TICAM1: variants seen among roughly 807,000 people sequenced by gnomAD.
TICAM1 encodes the protein TIR domain-containing adapter molecule 1.
For missense variants in TICAM1, 895 were observed against 938.2 expected (o/e 0.95, Z 0.60); for synonymous variants, 439 against 415.4 (o/e 1.06, Z -0.69).
chr19:4,823,492 A>G (rs936918313), intron 1 of TICAM1, among the ~76,000 whole-genome samples: 2 of 146,708 alleles, frequency 1.4e-5, no homozygotes, highest in African/African-American at 5.1e-5. Flanking sequence ...AAAATTAGCC[A>G]GGCATGGTGG....
At chr19:4,821,935 C>T (rs1337383735) in intron 1 of TICAM1, among the ~76,000 whole-genome samples, 1 of 141,438 alleles carries the variant, frequency 7.1e-6, no homozygotes, top group African/African-American at 2.7e-5. Context: ...TGAGCCACCC[C>T]GTCCAGCCTT....
intron 1 of TICAM1, among the ~76,000 whole-genome samples, chr19:4,824,299 A>C (rs956661274): frequency 7.0e-6 from 1 of 143,098 alleles, no homozygotes; most frequent in South Asian, 2.3e-4. Flanking sequence ...ATGAGCCACC[A>C]TGCCTGGCTT....
Position 4,817,298 on chromosome 19 carries a change from A to C in TICAM1, c.1080T>G (p.Pro360=), listed in dbSNP as rs754441119. The C allele has an allele frequency of 5.2e-5, 83 of 1,592,038 alleles. No individual in the cohort carries two copies. Among genetic ancestry groups the C allele is most frequent in the Non-Finnish European group, 6.9e-5 (81 of 1,170,582 alleles). The change falls in exon 2 of 2, where the codon CCT becomes CCG. Residue 360 remains proline, a synonymous_variant. Coordinates refer to ENST00000248244, the MANE Select transcript of TICAM1 (RefSeq NM_182919.4). This position sits in a 1 kb window ranked among gnomAD's most constrained non-coding sequence, Gnocchi z 4.7. ...PPTPTTPETS[P]PPPPPPPSST... ...ATGAAGGAGGAGGAGGAGGAGGAGG[A>C]GGGGATGTTTCTGGGGTGGTGGGAG...
At chr19:4,822,819 C>T (rs2093599841) in intron 1 of TICAM1, among the ~76,000 whole-genome samples, 1 of 152,116 alleles carries the variant, frequency 6.6e-6, no homozygotes, top group Admixed American at 6.6e-5. Context: ...CCATTTGATG[C>T]CAATGTTTGT....
Position 4,815,971 on chromosome 19 carries a change from C to T in TICAM1, c.*268G>A. On this transcript the variant is annotated 3_prime_UTR_variant, in exon 2 of 2. Transcript: ENST00000248244. ...ATTTATTATAATTAAAAGACCGTAG[C>T]AATACCCCCACCACCAAGACCCTTC... is the stretch of plus-strand genomic sequence containing the variant. The T allele has an allele frequency of 2.7e-6, 1 of 366,976 alleles. No homozygotes were observed. Among genetic ancestry groups the T allele is most frequent in the Non-Finnish European group, 4.8e-6 (1 of 208,760 alleles). The allele number at this position is 366,976 out of a possible 1,614,324, so 22.7% of individuals were successfully genotyped here.
chr19:4,818,384 A>G lies in TICAM1; in HGVS notation c.-7T>C. 1 of 1,573,188 alleles carries G rather than the reference A, an allele frequency of 6.4e-7. No individual in the cohort carries two copies. The highest frequency in any genetic ancestry group is 1.2e-5 in the South Asian group (1 of 85,532). On this transcript the variant is annotated 5_prime_UTR_variant, in exon 2 of 2. Transcript: ENST00000248244. This position sits in a 1 kb window ranked among gnomAD's most constrained non-coding sequence, Gnocchi z 4.0. ...ATGGGCCTGTGCAGGCCATGGGCAC[A>G]GGTGGGTGCAGCCTCCGGCAGCAGA...
chr19:4,821,644 A>ATT (rs67187848), intron 1 of TICAM1, among the ~76,000 whole-genome samples: 26,492 of 136,510 alleles, frequency 0.19, 2,887 homozygotes, highest in African/African-American at 0.29. Flanking sequence ...ATGGCCCACG[A>ATT]TTTTTTTTTT....
rs2093586481 is a variant in TICAM1, at chr19:4,816,831, T to C, written c.1547A>G (p.His516Arg). 1 of 1,612,144 alleles carries C rather than the reference T, an allele frequency of 6.2e-7. No homozygotes were observed. Among genetic ancestry groups the C allele is most frequent in the Non-Finnish European group, 8.5e-7 (1 of 1,179,936 alleles). ...LLSGLVRLDE[H>R]SQIFARKVAN... The stretch of plus-strand genomic sequence containing the variant: ...CACCTTCCTGGCGAAGATCTGGGAG[T>C]GTTCGTCCAGCCGCACCAGCCCGGA... The change falls in exon 2 of 2, where the codon CAC becomes CGC. Residue 516 changes from histidine (H) to arginine (R), a missense_variant. Physicochemically the swap from His to Arg is conservative, Grantham distance 29. Coordinates refer to ENST00000248244, the MANE Select transcript of TICAM1 (RefSeq NM_182919.4). This position sits in a 1 kb window ranked among gnomAD's most constrained non-coding sequence, Gnocchi z 4.3.
intron 1 of TICAM1, among the ~76,000 whole-genome samples, chr19:4,828,792 T>C (rs2146182495): frequency 6.7e-6 from 1 of 149,190 alleles, no homozygotes; most frequent in East Asian, 2.0e-4. Flanking sequence ...AACCTCCACC[T>C]CCTGGGTTCA....
In TICAM1 at chr19:4,825,475, C is replaced by T. The variant is rs2093604131; in HGVS notation, c.-140+6139G>A. On this transcript the variant is annotated intron_variant, in intron 1 of 1. Transcript: ENST00000248244. ...GGCTCAAGTGATCCTCCCACCTTGG[C>T]CTCCCAAAGTGTTGGGATTACAGGC... 2.0e-5 allele frequency among the ~76,000 whole-genome samples: 3 copies of T among 151,970 alleles called. No individual in the cohort carries two copies. The South Asian group carries it at 6.2e-4, about 32-fold the overall frequency.
intron 1 of TICAM1, among the ~76,000 whole-genome samples, chr19:4,821,702 T>C (rs1205739232): frequency 1.3e-5 from 2 of 150,198 alleles, no homozygotes; most frequent in Non-Finnish European, 2.9e-5. Context: ...TGGAGTGCAA[T>C]GGCACGATCT....
Position 4,816,304 on chromosome 19 carries a change from T to G in TICAM1, c.2074A>C (p.Asn692His), listed in dbSNP as rs775729703. Residue 692 changes from asparagine (N) to histidine (H), a missense_variant, in exon 2 of 2, where the codon AAC becomes CAC. Asn to His is a moderately conservative substitution (Grantham distance 68). Transcript: ENST00000248244. This position sits in a 1 kb window ranked among gnomAD's most constrained non-coding sequence, Gnocchi z 4.3. ...CCTCTCTGGTTCCACATGTGGTTGT[T>G]CAGCCCCAGCTGTACCATCTGTGCG... ...HHAQMVQLGL[N>H]NHMWNQRGSQ... is the part of the protein sequence containing the mutation. The G allele has an allele frequency of 1.3e-6, 2 of 1,527,262 alleles. No homozygotes were observed. The highest frequency in any genetic ancestry group is 1.8e-6 in the Non-Finnish European group (2 of 1,138,376). The allele number at this position is 1,527,262 out of a possible 1,614,324, so 94.6% of individuals were successfully genotyped here.
At chr19:4,823,131 C>T (rs2093600365) in intron 1 of TICAM1, among the ~76,000 whole-genome samples, 1 of 152,020 alleles carries the variant, frequency 6.6e-6, no homozygotes, top group African/African-American at 2.4e-5. Context: ...ACCAGCCTGG[C>T]CAACATGGTG....
Position 4,816,520 on chromosome 19 carries a change from G to A in TICAM1, c.1858C>T (p.Pro620Ser), listed in dbSNP as rs765749722. ...GGQVPLGAPP[P>S]FPTWPGCPQP... The stretch of plus-strand genomic sequence containing the variant: ...GGGCACCCCGGCCAAGTGGGAAAGG[G>A]TGGCGGGGCTCCCAGGGGCACCTGG... The change falls in exon 2 of 2, where the codon CCC (proline) becomes TCC (serine). Residue 620 changes from proline (P) to serine (S), a missense_variant. Coordinates refer to ENST00000248244, the MANE Select transcript of TICAM1 (RefSeq NM_182919.4). The surrounding 1 kb of genome is among the most constrained non-coding windows in gnomAD (Gnocchi z 4.3). 1.2e-5 allele frequency: 19 copies of A among 1,595,654 alleles called. No individual in the cohort carries two copies. Among genetic ancestry groups the A allele is most frequent in the Non-Finnish European group, 1.5e-5 (18 of 1,172,060 alleles).
At position 4,816,932 on chromosome 19, in the gene TICAM1, C is replaced by G; in HGVS notation, c.1446G>C (p.Ser482=). The G allele has an allele frequency of 1.9e-6, 3 of 1,613,864 alleles. No individual in the cohort carries two copies. The highest frequency in any genetic ancestry group is 2.5e-6 in the Non-Finnish European group (3 of 1,180,026). ...GCAGGAAGGGGATGACACAGTCTGG[C>G]GACCCCTGTCGCGTGAGGTTGCTCA... ...AMMSNLTRQG[S]PDCVIPFLPL... Residue 482 remains serine, a synonymous_variant, in exon 2 of 2, where the codon TCG becomes TCC. Transcript: ENST00000248244. This position sits in a 1 kb window ranked among gnomAD's most constrained non-coding sequence, Gnocchi z 4.3.
rs572897681 is a variant in TICAM1 at position 4,827,187 on chromosome 19, C to G, written c.-140+4427G>C. Among the ~76,000 whole-genome samples, 4 of 150,646 alleles carry G rather than the reference C, an allele frequency of 2.7e-5. No individual in the cohort carries two copies. The East Asian group carries it at 6.0e-4, about 22-fold the overall frequency. On this transcript the variant is annotated intron_variant, in intron 1 of 1. Coordinates refer to ENST00000248244, the MANE Select transcript of TICAM1 (RefSeq NM_182919.4). Reference sequence around the variant, plus strand: ...CCAACATGGTGAAACCCCGTCTGTACTAAAAATACAAAAATTAGCCGGGCA... The same window carrying G: ...CCAACATGGTGAAACCCCGTCTGTAGTAAAAATACAAAAATTAGCCGGGCA...
At chr19:4,822,700 A>C (rs1235047816) in intron 1 of TICAM1, among the ~76,000 whole-genome samples, 1 of 152,188 alleles carries the variant, frequency 6.6e-6, no homozygotes, top group Non-Finnish European at 1.5e-5. Flanking sequence ...TTGACAGAAA[A>C]AGCTTGTAGA....
At position 4,817,797 on chromosome 19, in the gene TICAM1, A is replaced by T; in HGVS notation, c.581T>A (p.Leu194Gln). Reference protein sequence around the residue: ...GVSDWSQGCSLRSTGSPASLA... With the variant: ...GVSDWSQGCSQRSTGSPASLA... ...GGAGGCAGGGCTGCCAGTGGATCGCAGGGAGCACCCTTGGCTCCAGTCCGA... is the reference window on the plus strand; with the variant it reads ...GGAGGCAGGGCTGCCAGTGGATCGCTGGGAGCACCCTTGGCTCCAGTCCGA... Residue 194 changes from leucine (L) to glutamine (Q), a missense_variant, in exon 2 of 2, where the codon CTG becomes CAG. Transcript: ENST00000248244. The surrounding 1 kb of genome is among the most constrained non-coding windows in gnomAD (Gnocchi z 4.7). 6.3e-7 allele frequency: 1 copy of T among 1,598,322 alleles called. No individual in the cohort carries two copies. Among genetic ancestry groups the T allele is most frequent in the South Asian group, 1.1e-5 (1 of 89,442 alleles).
rs2093589857 is a variant in TICAM1 at position 4,817,820 on chromosome 19, CG to C, written c.557del (p.Ser186TrpfsTer68). ...RSLPRPIDGV[S>X]DWSQGCSLRS... is the part of the protein sequence containing the mutation. ...GCAGGGAGCACCCTTGGCTCCAGTC[CG>C]AAACACCGTCAATGGGGCGTGGGAG... On this transcript the variant is annotated frameshift_variant, in exon 2 of 2. Coordinates refer to ENST00000248244, the MANE Select transcript of TICAM1 (RefSeq NM_182919.4). LOFTEE classifies it low-confidence loss of function (END_TRUNC). The surrounding 1 kb of genome is among the most constrained non-coding windows in gnomAD (Gnocchi z 4.7). The C allele has an allele frequency of 6.2e-7, 1 of 1,603,792 alleles. No individual in the cohort carries two copies. Among genetic ancestry groups the C allele is most frequent in the Admixed American group, 1.7e-5 (1 of 59,526 alleles).
Sources: gnomAD v4.1 joint callset for allele counts (sites outside exome capture counted in the v4.1 genomes callset) on GRCh38, gnomAD v4.1.1 for gene constraint, Gnocchi (gnomAD v3.1) non-coding constraint, MANE v1.5 for transcripts, NCBI Gene and HGNC (gene_info 2026-07-23, HGNC 2026-07-21) for gene names.